Variants in NCALD observed in about 807,000 individuals in gnomAD.
NCALD encodes the protein neurocalcin delta, also known as neurocalcin-delta.
NCALD carries 10 observed loss-of-function variants against 18.6 expected under a neutral mutation model. That is an observed-to-expected ratio of 0.54 (90% CI 0.33 to 0.91). The LOEUF (loss-of-function observed/expected upper bound fraction) is 0.91. Ranked by LOEUF, NCALD falls within the 40% of genes least tolerant of loss-of-function variation. The pLI is 0.03. For synonymous variants in NCALD, 88 were observed against 87.4 expected (o/e 1.01, Z -0.04); for missense variants, 184 against 247.6 (o/e 0.74, Z 1.72).
chr8:101,917,999 T>C (rs1228586100), intron 2 of NCALD, among the ~76,000 whole-genome samples: 1 of 152,110 alleles, frequency 6.6e-6, no homozygotes, highest in East Asian at 1.9e-4. Context: ...ATCACTCTGA[T>C]ACCAAAACCT....
At chr8:101,912,003 A>C (rs1817818505) in intron 3 of NCALD, among the ~76,000 whole-genome samples, 1 of 152,260 alleles carries the variant, frequency 6.6e-6, no homozygotes, top group African/African-American at 2.4e-5. Context: ...AAGAACAATC[A>C]GGAAAAATAT....
intron 2 of NCALD, among the ~76,000 whole-genome samples, chr8:101,997,913 T>C (rs1252579905): frequency 6.6e-6 from 1 of 152,194 alleles, no homozygotes; most frequent in Non-Finnish European, 1.5e-5. Flanking sequence ...AAATAATGTA[T>C]GCACAAATAA....
At chr8:101,819,263 C>CTTTATTTATTTATTTA (rs1554639373) in intron 4 of NCALD, among the ~76,000 whole-genome samples, 4 of 148,386 alleles carry the variant, frequency 2.7e-5, no homozygotes, top group South Asian at 2.1e-4. Flanking sequence ...AAATACATAA[C>CTTTATTTATTTATTTA]TTTATTTATT....
At chr8:101,911,540 T>C (rs549555709) in intron 3 of NCALD, among the ~76,000 whole-genome samples, 152 of 151,928 alleles carry the variant, frequency 1.0e-3, no homozygotes, top group African/African-American at 3.6e-3. Context: ...GTATTTTCAG[T>C]AGAGATGGGG....
chr8:101,969,213 G>A (rs1332653640), intron 2 of NCALD, among the ~76,000 whole-genome samples: 3 of 152,086 alleles, frequency 2.0e-5, no homozygotes, highest in East Asian at 1.9e-4. Flanking sequence ...AAAAAAATAC[G>A]GTACCATCCA....
At position 102,113,800 on chromosome 8, in the gene NCALD, G is replaced by A. The variant is rs76246681; in HGVS notation, c.-210+10437C>T. Among the ~76,000 whole-genome samples, 1,252 of 152,282 alleles carry A rather than the reference G, an allele frequency of 8.2e-3. 11 individuals carry two copies. Among genetic ancestry groups the A allele is most frequent in the African/African-American group, 0.027 (1,140 of 41,540 alleles). The stretch of plus-strand genomic sequence containing the variant: ...GGCCAGTTATGATGTGCTACCTACT[G>A]GGTTGGGCACTTATATTAGTTTTTT... On this transcript the variant is annotated intron_variant, in intron 1 of 6. Transcript: ENST00000311028.
At chr8:102,095,829 T>A (rs1016388395) in intron 1 of NCALD, among the ~76,000 whole-genome samples, 24 of 152,186 alleles carry the variant, frequency 1.6e-4, no homozygotes, top group African/African-American at 5.5e-4. Flanking sequence ...TCAAAGACAA[T>A]AATTGTAACA....
At chr8:102,006,214 A>G (rs1222543403) in intron 2 of NCALD, among the ~76,000 whole-genome samples, 1 of 152,110 alleles carries the variant, frequency 6.6e-6, no homozygotes, top group African/African-American at 2.4e-5. Flanking sequence ...GTTTTTCCTC[A>G]TATCATTAAC....
At chr8:101,865,672 T>C (rs1394493659) in intron 4 of NCALD, among the ~76,000 whole-genome samples, 1 of 152,108 alleles carries the variant, frequency 6.6e-6, no homozygotes, top group Non-Finnish European at 1.5e-5. Context: ...TTCTTCCATT[T>C]AGTGTGAATT....
intron 4 of NCALD, among the ~76,000 whole-genome samples, chr8:101,844,495 G>C (rs1296283876): frequency 1.3e-5 from 2 of 151,986 alleles, no homozygotes; most frequent in African/African-American, 4.8e-5. Context: ...GAGTAGCTGA[G>C]ATTACACACA....
upstream of NCALD, among the ~76,000 whole-genome samples, chr8:101,791,331 G>GTCTC (rs148250257): frequency 7.9e-5 from 12 of 151,446 alleles, no homozygotes; most frequent in African/African-American, 2.4e-4. Context: ...CATGAAGCAT[G>GTCTC]TCTCTCTCTC....
chr8:102,115,245 A>G (rs1350255530), intron 1 of NCALD, among the ~76,000 whole-genome samples: 1 of 152,256 alleles, frequency 6.6e-6, no homozygotes, highest in Admixed American at 6.5e-5. Flanking sequence ...TCCAAAGTTA[A>G]TATTAACCAG....
chr8:101,816,471 C>A (rs1026390221), intron 4 of NCALD, among the ~76,000 whole-genome samples: 31 of 152,248 alleles, frequency 2.0e-4, no homozygotes, highest in African/African-American at 7.5e-4. Context: ...GCTGTGCCCC[C>A]CGCCAACATA....
At chr8:102,001,071 C>A (rs192273905) in intron 2 of NCALD, among the ~76,000 whole-genome samples, 1 of 152,284 alleles carries the variant, frequency 6.6e-6, no homozygotes, top group Admixed American at 6.5e-5. Flanking sequence ...GATGATCAAA[C>A]TACTCTGAGC....
At chr8:101,926,698 TC>T (rs1218979785) in intron 2 of NCALD, among the ~76,000 whole-genome samples, 1 of 152,156 alleles carries the variant, frequency 6.6e-6, no homozygotes, top group African/African-American at 2.4e-5. Flanking sequence ...CCACTTAGGC[TC>T]ACTGAACCCC....
At chr8:101,884,535 C>A (rs1586690443) in intron 4 of NCALD, among the ~76,000 whole-genome samples, 2 of 152,154 alleles carry the variant, frequency 1.3e-5, no homozygotes, top group Non-Finnish European at 2.9e-5. Context: ...CTCTAGGGCT[C>A]AAGTTAGTAG....
chr8:101,927,471 G>C (rs1818378751), intron 2 of NCALD, among the ~76,000 whole-genome samples: 1 of 152,230 alleles, frequency 6.6e-6, no homozygotes, highest in Admixed American at 6.5e-5. Context: ...GTCTGAGCAA[G>C]GATCTGCTAA....
At chr8:101,864,407 G>T (rs1001176692) in intron 4 of NCALD, among the ~76,000 whole-genome samples, 2 of 152,142 alleles carry the variant, frequency 1.3e-5, no homozygotes, top group Admixed American at 6.5e-5. Flanking sequence ...GATTAATTAC[G>T]GATGGCTCCA....
chr8:101,815,401 T>C (rs1037616941), intron 4 of NCALD, among the ~76,000 whole-genome samples: 27 of 152,164 alleles, frequency 1.8e-4, no homozygotes, highest in Non-Finnish European at 2.4e-4. Context: ...CTAGAACAAT[T>C]GGATATCCAC....
Sources: allele counts gnomAD v4.1 joint callset (sites outside exome capture counted in the v4.1 genomes callset), GRCh38; gene constraint gnomAD v4.1.1; transcripts MANE v1.5; gene names NCBI Gene and HGNC (gene_info 2026-07-23, HGNC 2026-07-21).